The following CDC42SE2 variants were observed in gnomAD, a reference collection of about 807,000 sequenced individuals.
CDC42SE2 encodes CDC42 small effector protein 2.
Under a neutral mutation model 11.5 loss-of-function variants are expected in CDC42SE2, and 3 were observed. That is an observed-to-expected ratio of 0.26 (90% CI 0.12 to 0.67). The LOEUF is 0.67. Ranked by LOEUF, CDC42SE2 falls within the 30% of genes least tolerant of loss-of-function variation. CDC42SE2 has a pLI of 0.80. For synonymous variants in CDC42SE2, 33 were observed against 34.8 expected (o/e 0.95, Z 0.18); for missense variants, 82 against 106.8 (o/e 0.77, Z 1.02).
At chr5:131,294,476 C>T (rs1372864724) in intron 1 of CDC42SE2, among the ~76,000 whole-genome samples, 1 of 152,024 alleles carries the variant, frequency 6.6e-6, no homozygotes, top group South Asian at 2.1e-4. Context: ...GATTTAGTTT[C>T]GAATGAAAGA....
chr5:131,275,749 T>C (rs1210060047), intron 1 of CDC42SE2, among the ~76,000 whole-genome samples: 1 of 152,172 alleles, frequency 6.6e-6, no homozygotes, highest in Admixed American at 6.6e-5. Context: ...AGCTCGATGG[T>C]ATCCTGTGCA....
chr5:131,211,364 T>G, the CDC42SE2 span, among the ~76,000 whole-genome samples: 1 of 152,208 alleles, frequency 6.6e-6, no homozygotes, highest in Non-Finnish European at 1.5e-5. Context: ...GTTAGGAAAA[T>G]TCATTGTTCC....
chr5:131,343,201 C>T (rs1758755251), intron 2 of CDC42SE2, among the ~76,000 whole-genome samples: 1 of 151,522 alleles, frequency 6.6e-6, no homozygotes, highest in African/African-American at 2.4e-5. Context: ...ACAGTATATA[C>T]AAGTTTGCCT....
At chr5:131,333,069 T>C (rs1758460755) in intron 2 of CDC42SE2, among the ~76,000 whole-genome samples, 1 of 152,352 alleles carries the variant, frequency 6.6e-6, no homozygotes, top group South Asian at 2.1e-4. Flanking sequence ...TGGTATTGCC[T>C]AGGTTTTCTT....
intron 1 of CDC42SE2, among the ~76,000 whole-genome samples, chr5:131,246,087 G>T (rs528636579): frequency 6.6e-6 from 1 of 152,168 alleles, no homozygotes; most frequent in South Asian, 2.1e-4. Context: ...ACATAAAATT[G>T]TTGAGTCATG....
chr5:131,233,897 C>A, the CDC42SE2 span, among the ~76,000 whole-genome samples: 1 of 152,122 alleles, frequency 6.6e-6, no homozygotes, highest in South Asian at 2.1e-4. Flanking sequence ...ATACTCAGGG[C>A]AACCTTGAAA....
intron 3 of CDC42SE2, among the ~76,000 whole-genome samples, chr5:131,374,924 C>T (rs888643561): frequency 6.6e-6 from 1 of 151,940 alleles, no homozygotes; most frequent in African/African-American, 2.4e-5. Flanking sequence ...GAAACAATCC[C>T]AGATGGACCC....
chr5:131,233,901 CTTGAAAGCCTCATG>C, the CDC42SE2 span, among the ~76,000 whole-genome samples: 1 of 152,154 alleles, frequency 6.6e-6, no homozygotes, highest in Non-Finnish European at 1.5e-5. Context: ...TCAGGGCAAC[CTTGAAAGCCTCATG>C]TTGAAGAGGA....
intron 1 of CDC42SE2, among the ~76,000 whole-genome samples, chr5:131,313,051 T>G (rs1757963575): frequency 6.6e-6 from 1 of 151,970 alleles, no homozygotes; most frequent in Non-Finnish European, 1.5e-5. Context: ...GGCGTGATCT[T>G]GGCTCACTGA....
chr5:131,210,202 G>GCC, the CDC42SE2 span, among the ~76,000 whole-genome samples: 3 of 152,162 alleles, frequency 2.0e-5, no homozygotes, highest in Admixed American at 2.0e-4. Flanking sequence ...GAATTACCCA[G>GCC]CCTCAGGTAT....
the CDC42SE2 span, among the ~76,000 whole-genome samples, chr5:131,238,221 G>A: frequency 6.6e-6 from 1 of 151,886 alleles, no homozygotes; most frequent in African/African-American, 2.4e-5. Context: ...ACGGGGGCGG[G>A]GCACCGTGGC....
At chr5:131,388,908 C>T (rs945512842) in intron 4 of CDC42SE2, among the ~76,000 whole-genome samples, 10 of 152,260 alleles carry the variant, frequency 6.6e-5, no homozygotes, top group African/African-American at 2.2e-4. Flanking sequence ...GGAGTGCTTA[C>T]TGCAGCCTTG....
At chr5:131,213,612 G>T in the CDC42SE2 span, among the ~76,000 whole-genome samples, 1 of 151,760 alleles carries the variant, frequency 6.6e-6, no homozygotes, top group African/African-American at 2.4e-5. Context: ...CCACACCTGG[G>T]TAATTTTTCT....
intron 2 of CDC42SE2, among the ~76,000 whole-genome samples, chr5:131,317,352 A>G (rs1474001978): frequency 2.6e-5 from 4 of 152,200 alleles, no homozygotes; most frequent in African/African-American, 9.6e-5. Flanking sequence ...CTTCATTATA[A>G]AAACAGAATA....
At chr5:131,264,517 C>T (rs886850732) in intron 1 of CDC42SE2, among the ~76,000 whole-genome samples, 6 of 143,732 alleles carry the variant, frequency 4.2e-5, no homozygotes, top group Non-Finnish European at 7.7e-5. Flanking sequence ...CAACTTTTCA[C>T]GTCTGGAAGT....
At chr5:131,248,389 G>T (rs1756613598) in intron 1 of CDC42SE2, among the ~76,000 whole-genome samples, 2 of 152,156 alleles carry the variant, frequency 1.3e-5, no homozygotes, top group South Asian at 4.1e-4. Context: ...CCGCCCATCT[G>T]GCCTCCCAAA....
intron 1 of CDC42SE2, among the ~76,000 whole-genome samples, chr5:131,268,170 C>G (rs1371496267): frequency 7.4e-6 from 1 of 134,910 alleles, no homozygotes; most frequent in Non-Finnish European, 1.5e-5. Context: ...TCAAGTGATT[C>G]TCCTGCCTCA....
intron 3 of CDC42SE2, among the ~76,000 whole-genome samples, chr5:131,373,140 A>G (rs1433942085): frequency 2.0e-5 from 3 of 152,252 alleles, no homozygotes; most frequent in African/African-American, 4.8e-5. Context: ...AGTTATCTCA[A>G]CATAAGAGAG....
At chr5:131,334,031 T>C (rs1758492281) in intron 2 of CDC42SE2, among the ~76,000 whole-genome samples, 1 of 152,178 alleles carries the variant, frequency 6.6e-6, no homozygotes, top group African/African-American at 2.4e-5. Flanking sequence ...AGGGCATCCC[T>C]GTCTTGTGCC....
Sources: allele counts gnomAD v4.1 joint callset (sites outside exome capture counted in the v4.1 genomes callset), GRCh38; gene constraint gnomAD v4.1.1; transcripts MANE v1.5; gene names NCBI Gene and HGNC (gene_info 2026-07-23, HGNC 2026-07-21).